TACR3: variants seen among roughly 807,000 people sequenced by gnomAD.
The protein encoded by TACR3 is tachykinin receptor 3.
In TACR3, 34 loss-of-function variants were observed where a neutral mutation model predicts 35.0. The observed-to-expected ratio is 0.97, with a 90% confidence interval of 0.74 to 1.30. TACR3 has a LOEUF of 1.30. TACR3 is among the 50% of genes most tolerant of loss of function. TACR3 has a pLI of 0.00. For synonymous variants in TACR3, 233 were observed against 221.1 expected, an observed-to-expected ratio of 1.05 and a Z score of -0.48; for missense variants, 558 against 591.7, an observed-to-expected ratio of 0.94 and a Z score of 0.59.
At chr4:103,679,966 A>G (rs1014454011) in intron 1 of TACR3, among the ~76,000 whole-genome samples, 2 of 151,896 alleles carry the variant, frequency 1.3e-5, no homozygotes, top group African/African-American at 4.8e-5. Flanking sequence ...CTTAAATCCC[A>G]TTCAATGAGA....
At chr4:103,705,908 G>A (rs59308421) in intron 1 of TACR3, among the ~76,000 whole-genome samples, 17,714 of 152,094 alleles carry the variant, frequency 0.12, 1,348 homozygotes, top group East Asian at 0.37. Flanking sequence ...CAATGGAAAC[G>A]TTGTAGGATT....
chr4:103,649,212 A>G (rs1039900342), intron 3 of TACR3, among the ~76,000 whole-genome samples: 5 of 151,994 alleles, frequency 3.3e-5, no homozygotes, highest in African/African-American at 1.2e-4. Flanking sequence ...GGAGATTGCA[A>G]ATATTTTCTC....
At chr4:103,594,199 CAG>C (rs1723955366) in intron 3 of TACR3, among the ~76,000 whole-genome samples, 1 of 145,852 alleles carries the variant, frequency 6.9e-6, no homozygotes, top group Non-Finnish European at 1.5e-5. Flanking sequence ...TTTTTTGAGA[CAG>C]AGTCTCACTC....
At chr4:103,683,855 A>T (rs1722169809) in intron 1 of TACR3, among the ~76,000 whole-genome samples, 1 of 151,918 alleles carries the variant, frequency 6.6e-6, no homozygotes, top group Non-Finnish European at 1.5e-5. Flanking sequence ...AGAGAGAGAG[A>T]GAGAAATGAG....
chr4:103,704,927 G>A (rs1722750564), intron 1 of TACR3, among the ~76,000 whole-genome samples: 1 of 152,148 alleles, frequency 6.6e-6, no homozygotes, highest in Non-Finnish European at 1.5e-5. Context: ...AGGGCATGGA[G>A]ACTTGGAAGA....
intron 1 of TACR3, among the ~76,000 whole-genome samples, chr4:103,703,747 C>A (rs1006116288): frequency 6.6e-5 from 10 of 152,024 alleles, no homozygotes; most frequent in African/African-American, 2.2e-4. Flanking sequence ...TGATTTAGAA[C>A]TGAACCCTAT....
intron 1 of TACR3, among the ~76,000 whole-genome samples, chr4:103,702,726 T>A (rs1048999753): frequency 9.9e-5 from 15 of 151,962 alleles, no homozygotes; most frequent in African/African-American, 3.6e-4. Flanking sequence ...CAGCCATAAA[T>A]TATGATGAGT....
At chr4:103,635,205 A>T (rs3796970) in intron 3 of TACR3, among the ~76,000 whole-genome samples, 16,069 of 151,960 alleles carry the variant, frequency 0.11, 968 homozygotes, top group South Asian at 0.2. Context: ...AGTATCAATG[A>T]TTTATCTCCC....
intron 3 of TACR3, among the ~76,000 whole-genome samples, chr4:103,637,681 C>A (rs1161280870): frequency 1.3e-5 from 2 of 152,104 alleles, no homozygotes; most frequent in Non-Finnish European, 2.9e-5. Context: ...AATTGTATAT[C>A]TAGAAAACCC....
At chr4:103,667,941 A>G (rs765894687) in intron 1 of TACR3, among the ~76,000 whole-genome samples, 1 of 151,892 alleles carries the variant, frequency 6.6e-6, no homozygotes, top group Admixed American at 6.6e-5. Flanking sequence ...TGATCCTCCC[A>G]CCTCAGTCTC....
In TACR3 at chr4:103,701,169, TCTC is replaced by T. The variant is rs546697895; in HGVS notation, c.548+17956_548+17958del. On this transcript the variant is annotated intron_variant, in intron 1 of 4. Transcript: ENST00000304883. ...AAAACCCCATTGTCTCAGCCCAAAATCTCCTCAAGCTGATAGGCAACTTCAGCA... is the reference window on the plus strand; with the variant it reads ...AAAACCCCATTGTCTCAGCCCAAAATCTCAAGCTGATAGGCAACTTCAGCA... Among the ~76,000 whole-genome samples the T allele has an allele frequency of 8.0e-3, 1,210 of 152,088 alleles. 15 individuals are homozygous for T. Among genetic ancestry groups the T allele is most frequent in the African/African-American group, 0.028 (1,157 of 41,452 alleles).
intron 3 of TACR3, among the ~76,000 whole-genome samples, chr4:103,635,661 T>C (rs113132493): frequency 3.9e-5 from 6 of 152,130 alleles, no homozygotes; most frequent in South Asian, 2.1e-4. Context: ...ATATAAACCC[T>C]TTTGTAAGAT....
intron 1 of TACR3, among the ~76,000 whole-genome samples, chr4:103,684,087 C>T (rs1722175993): frequency 6.6e-6 from 1 of 151,872 alleles, no homozygotes. Context: ...AAATCTGATA[C>T]AGAGAAATCT....
chr4:103,713,919 T>C (rs1440959918), intron 1 of TACR3, among the ~76,000 whole-genome samples: 1 of 152,116 alleles, frequency 6.6e-6, no homozygotes, highest in Non-Finnish European at 1.5e-5. Flanking sequence ...TGAGGAATAT[T>C]GCTCATGGGT....
chr4:103,673,004 A>G (rs2110204426), intron 1 of TACR3, among the ~76,000 whole-genome samples: 1 of 152,282 alleles, frequency 6.6e-6, no homozygotes, highest in East Asian at 1.9e-4. Flanking sequence ...TCTGCTGGCC[A>G]CAAGTTTTCT....
intron 1 of TACR3, among the ~76,000 whole-genome samples, chr4:103,705,351 T>C (rs1010157646): frequency 6.6e-6 from 1 of 152,124 alleles, no homozygotes; most frequent in African/African-American, 2.4e-5. Context: ...AAAAGTGGTA[T>C]TTCATGGCCT....
At chr4:103,650,678 TATATC>T (rs1323508092) in intron 3 of TACR3, among the ~76,000 whole-genome samples, 7 of 8,452 alleles carry the variant, frequency 8.3e-4, no homozygotes, top group South Asian at 7.8e-3. Flanking sequence ...AAATATATAT[TATATC>T]ATATATAATA....
intron 3 of TACR3, among the ~76,000 whole-genome samples, chr4:103,624,710 G>C (rs912980947): frequency 6.6e-6 from 1 of 152,094 alleles, no homozygotes; most frequent in Non-Finnish European, 1.5e-5. Flanking sequence ...AAGCATTTGT[G>C]TAACATGGTT....
chr4:103,640,598 T>C (rs1725334176), intron 3 of TACR3, among the ~76,000 whole-genome samples: 1 of 151,954 alleles, frequency 6.6e-6, no homozygotes, highest in Non-Finnish European at 1.5e-5. Flanking sequence ...TTTACAAATT[T>C]TTTCTCCTAA....
Sources: allele counts gnomAD v4.1 joint callset (sites outside exome capture counted in the v4.1 genomes callset), GRCh38; gene constraint gnomAD v4.1.1; transcripts MANE v1.5; gene names NCBI Gene and HGNC (gene_info 2026-07-23, HGNC 2026-07-21).